Variants in ADAMTSL1 observed in about 807,000 individuals in gnomAD.
The protein encoded by ADAMTSL1 is ADAMTS like 1.
Under a neutral mutation model 201.8 loss-of-function variants are expected in ADAMTSL1, and 126 were observed. The observed-to-expected ratio is 0.62, with a 90% CI of 0.54 to 0.72. ADAMTSL1 has a LOEUF of 0.72. Among genes scored for constraint, ADAMTSL1 ranks in the 30% least tolerant of loss-of-function variants. ADAMTSL1 has a pLI of 0.00. For synonymous variants in ADAMTSL1, 1,121 were observed against 903.4 expected, an observed-to-expected ratio of 1.24 and a Z score of -4.32; for missense variants, 2,679 against 2,277.8, an observed-to-expected ratio of 1.18 and a Z score of -3.59.
chr9:18,905,729 C>A, intron 26 of ADAMTSL1, 53 bp from the exon 27 acceptor site: 1 of 1,476,264 alleles, frequency 6.8e-7, no homozygotes, highest in Non-Finnish European at 9.3e-7. Context: ...GCACGGCGGC[C>A]TCCACCCTTG....
At chr9:18,594,553 C>T (rs1824136837) in intron 4 of ADAMTSL1, among the ~76,000 whole-genome samples, 1 of 152,170 alleles carries the variant, frequency 6.6e-6, no homozygotes, top group Non-Finnish European at 1.5e-5. Flanking sequence ...AAGAGTCTGT[C>T]TTCAAGTGCA....
intron 1 of ADAMTSL1, among the ~76,000 whole-genome samples, chr9:18,045,804 G>GT (rs1007261966): frequency 6.6e-6 from 1 of 151,516 alleles, no homozygotes; most frequent in African/African-American, 2.4e-5. Context: ...TACTCACTTG[G>GT]TGCCTTTATT....
At chr9:18,074,054 T>A (rs1225405778) in intron 1 of ADAMTSL1, among the ~76,000 whole-genome samples, 2 of 152,132 alleles carry the variant, frequency 1.3e-5, no homozygotes, top group Non-Finnish European at 2.9e-5. Context: ...GGTCTAATTT[T>A]GGGTTCATTT....
chr9:18,176,418 TAAC>T (rs1828158593), intron 2 of ADAMTSL1, among the ~76,000 whole-genome samples: 1 of 152,206 alleles, frequency 6.6e-6, no homozygotes, highest in Non-Finnish European at 1.5e-5. Context: ...ACAATCTTGG[TAAC>T]AATAATAATA....
At chr9:17,930,279 C>T (rs1222189760) in intron 1 of ADAMTSL1, among the ~76,000 whole-genome samples, 1 of 152,088 alleles carries the variant, frequency 6.6e-6, no homozygotes, top group African/African-American at 2.4e-5. Flanking sequence ...ACATAGCTTC[C>T]AAGGTCACCC....
intron 2 of ADAMTSL1, among the ~76,000 whole-genome samples, chr9:18,441,200 TAAG>T (rs1356690011): frequency 1.3e-5 from 2 of 152,012 alleles, no homozygotes; most frequent in Non-Finnish European, 2.9e-5. Context: ...TTGGGGGTAA[TAAG>T]AATGTTATGG....
At chr9:18,640,414 T>C (rs1471255095) in intron 7 of ADAMTSL1, among the ~76,000 whole-genome samples, 1 of 152,128 alleles carries the variant, frequency 6.6e-6, no homozygotes, top group Non-Finnish European at 1.5e-5. Context: ...TGGAGTACCA[T>C]TAAATAGACC....
chr9:18,691,534 G>A (rs901769420), intron 13 of ADAMTSL1, among the ~76,000 whole-genome samples: 2 of 152,116 alleles, frequency 1.3e-5, no homozygotes, highest in African/African-American at 4.8e-5. Context: ...TCCTAAAATT[G>A]ATTTTTTTCA....
intron 13 of ADAMTSL1, among the ~76,000 whole-genome samples, chr9:18,702,547 T>C (rs1031378944): frequency 2.0e-5 from 3 of 152,174 alleles, no homozygotes; most frequent in Non-Finnish European, 4.4e-5. Flanking sequence ...TATTTTTTTC[T>C]TAATGAAAGG....
At chr9:18,057,755 A>C (rs1359565957) in intron 1 of ADAMTSL1, among the ~76,000 whole-genome samples, 1 of 152,192 alleles carries the variant, frequency 6.6e-6, no homozygotes, top group Non-Finnish European at 1.5e-5. Flanking sequence ...CTCTTTGCAC[A>C]TGCTGTTCCC....
intron 1 of ADAMTSL1, among the ~76,000 whole-genome samples, chr9:18,030,756 T>G (rs1324070223): frequency 6.6e-6 from 1 of 152,132 alleles, no homozygotes; most frequent in Non-Finnish European, 1.5e-5. Flanking sequence ...CAAATATGTT[T>G]TCCAAGTTGC....
chr9:18,524,950 C>T (rs1319009318), intron 2 of ADAMTSL1, among the ~76,000 whole-genome samples: 1 of 152,160 alleles, frequency 6.6e-6, no homozygotes, highest in East Asian at 1.9e-4. Context: ...ATGATGCTGG[C>T]CTCATAAAAT....
At chr9:18,666,010 T>C (rs571118778) in intron 9 of ADAMTSL1, among the ~76,000 whole-genome samples, 39 of 152,308 alleles carry the variant, frequency 2.6e-4, no homozygotes, top group Middle Eastern at 3.4e-3. Flanking sequence ...TCATACTTTA[T>C]ACAGTAGATA....
At chr9:18,160,945 C>G (rs1017904990) in intron 1 of ADAMTSL1, among the ~76,000 whole-genome samples, 4 of 150,498 alleles carry the variant, frequency 2.7e-5, no homozygotes, top group African/African-American at 9.8e-5. Flanking sequence ...GCCTCAGCCT[C>G]TCAAAGTGCT....
chr9:17,932,498 G>A (rs1826836260), intron 1 of ADAMTSL1, among the ~76,000 whole-genome samples: 1 of 152,108 alleles, frequency 6.6e-6, no homozygotes, highest in South Asian at 2.1e-4. Flanking sequence ...GAAAGTCTTA[G>A]TGGTAAACTC....
At chr9:18,371,797 A>T (rs554659933) in intron 2 of ADAMTSL1, among the ~76,000 whole-genome samples, 14 of 152,280 alleles carry the variant, frequency 9.2e-5, no homozygotes, top group Non-Finnish European at 1.0e-4. Context: ...CTGCTGCCAG[A>T]TGTGGCTTTT....
chr9:18,374,273 C>A (rs1837184211), intron 2 of ADAMTSL1, among the ~76,000 whole-genome samples: 1 of 151,920 alleles, frequency 6.6e-6, no homozygotes, highest in African/African-American at 2.4e-5. Context: ...TACTGACTTA[C>A]CAATAGGGGA....
intron 20 of ADAMTSL1, among the ~76,000 whole-genome samples, chr9:18,812,093 GATTATTCTAA>G (rs1222061922): frequency 6.6e-6 from 1 of 152,118 alleles, no homozygotes; most frequent in African/African-American, 2.4e-5. Flanking sequence ...ATGTAGAGAA[GATTATTCTAA>G]AATGTATATG....
At chr9:18,495,294 C>A (rs991376399) in intron 1 of ADAMTSL1, among the ~76,000 whole-genome samples, 2 of 152,122 alleles carry the variant, frequency 1.3e-5, no homozygotes, top group Non-Finnish European at 2.9e-5. Context: ...GTGAAAGCAA[C>A]GCGTCCCTCA....
Sources: allele counts gnomAD v4.1 joint callset (sites outside exome capture counted in the v4.1 genomes callset), GRCh38; gene constraint gnomAD v4.1.1; transcripts MANE v1.5; gene names NCBI Gene and HGNC (gene_info 2026-07-23, HGNC 2026-07-21).